The following THEMIS variants were observed in gnomAD, a reference collection of about 807,000 sequenced individuals.
The protein encoded by THEMIS is protein THEMIS.
A neutral mutation model predicts 52.6 loss-of-function variants in THEMIS; 37 were observed. The observed-to-expected ratio is 0.70, with a 90% CI of 0.54 to 0.93. The LOEUF (loss-of-function observed/expected upper bound fraction) is 0.93. Ranked by LOEUF, THEMIS falls within the 40% of genes least tolerant of loss-of-function variation. THEMIS has a pLI of 0.00. For missense variants in THEMIS, 808 were observed against 763.1 expected (o/e 1.06, Z -0.69); for synonymous variants, 292 against 272.7 (o/e 1.07, Z -0.70).
At chr6:127,806,028 C>A (rs1393995215) in intron 4 of THEMIS, among the ~76,000 whole-genome samples, 3 of 151,500 alleles carry the variant, frequency 2.0e-5, no homozygotes, top group African/African-American at 7.3e-5. Context: ...ATCTAGTGAG[C>A]CCACACTCAA....
rs1035965281 is a variant in THEMIS at position 127,820,127 on chromosome 6, G to A, written c.710-6196C>T. Among the ~76,000 whole-genome samples the A allele has an allele frequency of 1.9e-4, 29 of 151,770 alleles. No individual in the cohort carries two copies. In the East Asian group the frequency reaches 4.5e-3, roughly 23 times the overall value. On this transcript the variant is annotated intron_variant, in intron 3 of 5. Coordinates refer to ENST00000368248, the MANE Select transcript of THEMIS (RefSeq NM_001010923.3). ...TGTAAATATATATTACAAACTCTAGGGTAACAACTAAAAATGTTTTTTACA... is the reference window on the plus strand; with the variant it reads ...TGTAAATATATATTACAAACTCTAGAGTAACAACTAAAAATGTTTTTTACA...
chr6:127,800,758 A>G (rs1045294227), intron 4 of THEMIS, among the ~76,000 whole-genome samples: 2 of 152,192 alleles, frequency 1.3e-5, no homozygotes, highest in Non-Finnish European at 2.9e-5. Context: ...TTCCCAGCCT[A>G]CATCTTTCTC....
chr6:127,706,813 GC>G (rs1423040945), downstream of THEMIS, among the ~76,000 whole-genome samples: 2 of 152,012 alleles, frequency 1.3e-5, no homozygotes, highest in Non-Finnish European at 1.5e-5. Context: ...GGAGAGGAGA[GC>G]AAAAAGTGTT....
In THEMIS at chr6:127,829,777, G is replaced by A; in HGVS notation, c.408C>T (p.Ile136=). 1 of 1,614,050 alleles carries A rather than the reference G, an allele frequency of 6.2e-7. No homozygotes were observed. Among genetic ancestry groups the A allele is most frequent in the Non-Finnish European group, 8.5e-7 (1 of 1,179,994 alleles). Residue 136 remains isoleucine (I), a synonymous_variant, in exon 3 of 6, where the codon ATC becomes ATT. Transcript: ENST00000368248. ...CAATCTCTTCAACTGAGTTGAGCATGATTTGCTCACCCTGCTTTATGATGA... is the reference window on the plus strand; with the variant it reads ...CAATCTCTTCAACTGAGTTGAGCATAATTTGCTCACCCTGCTTTATGATGA... ...ENLIIKQGEQ[I]MLNSVEEIDG...
upstream of THEMIS, among the ~76,000 whole-genome samples, chr6:127,904,170 T>G (rs113076721): frequency 0.018 from 2,675 of 152,172 alleles, 85 homozygotes; most frequent in African/African-American, 0.06. Context: ...GAAGTAGCAA[T>G]TCCTCCAGGA....
intron 4 of THEMIS, among the ~76,000 whole-genome samples, chr6:127,799,005 A>G (rs1045904523): frequency 2.6e-4 from 40 of 151,662 alleles, no homozygotes; most frequent in Non-Finnish European, 4.9e-4. Context: ...AAAAAAAAAA[A>G]AAAGAAAGAA....
chr6:127,788,657 G>A (rs958156402), intron 4 of THEMIS, among the ~76,000 whole-genome samples: 18 of 151,996 alleles, frequency 1.2e-4, no homozygotes, highest in African/African-American at 4.4e-4. Flanking sequence ...TCTTGAAAAG[G>A]CACAACAAAA....
intron 1 of THEMIS, among the ~76,000 whole-genome samples, chr6:127,893,204 T>C (rs1285895611): frequency 6.6e-6 from 1 of 152,148 alleles, no homozygotes; most frequent in African/African-American, 2.4e-5. Flanking sequence ...CTTTTTACTA[T>C]TTTTCTTCAT....
intron 3 of THEMIS, among the ~76,000 whole-genome samples, chr6:127,819,697 A>G (rs1237575828): frequency 6.6e-6 from 1 of 152,160 alleles, no homozygotes; most frequent in African/African-American, 2.4e-5. Flanking sequence ...TCATCCTTCA[A>G]AAGTAAAGGA....
intron 4 of THEMIS, among the ~76,000 whole-genome samples, chr6:127,796,452 C>T (rs149798703): frequency 6.6e-6 from 1 of 152,228 alleles, no homozygotes; most frequent in Non-Finnish European, 1.5e-5. Flanking sequence ...CCAGATCAAC[C>T]TTATGCAGTC....
chr6:127,814,547 A>G (rs988562031), intron 3 of THEMIS, among the ~76,000 whole-genome samples: 27 of 152,110 alleles, frequency 1.8e-4, no homozygotes, highest in African/African-American at 6.5e-4. Context: ...AAGATGCAAT[A>G]TTTTTCCAAT....
chr6:127,868,626 A>C (rs1367822741), intron 1 of THEMIS, among the ~76,000 whole-genome samples: 1 of 152,142 alleles, frequency 6.6e-6, no homozygotes, highest in African/African-American at 2.4e-5. Context: ...TGCCTTGTCT[A>C]TTTATTCCCA....
chr6:127,915,784 C>T (rs1314863174), intron 1 of THEMIS, among the ~76,000 whole-genome samples: 3 of 151,702 alleles, frequency 2.0e-5, no homozygotes, highest in Non-Finnish European at 2.9e-5. Context: ...GTCAGAAGTT[C>T]GAGACCAGCC....
intron 4 of THEMIS, among the ~76,000 whole-genome samples, chr6:127,768,365 C>T (rs1267431459): frequency 1.3e-5 from 2 of 152,134 alleles, no homozygotes; most frequent in Non-Finnish European, 2.9e-5. Flanking sequence ...CTCCCCTTGC[C>T]TCTGTCAACC....
intron 5 of THEMIS, among the ~76,000 whole-genome samples, chr6:127,714,828 C>T (rs551354934): frequency 3.7e-4 from 56 of 151,986 alleles, no homozygotes; most frequent in African/African-American, 1.3e-3. Flanking sequence ...AAAAAGGTTG[C>T]TTTGCCTAGA....
At chr6:127,852,055 G>C (rs753157981) in intron 2 of THEMIS, among the ~76,000 whole-genome samples, 80 of 151,658 alleles carry the variant, frequency 5.3e-4, no homozygotes, top group Non-Finnish European at 9.8e-4. Context: ...AAAGATGAGA[G>C]ACCTTGCAAA....
chr6:127,854,930 G>C, intron 2 of THEMIS, 100 bp downstream of exon 2: 1 of 1,070,838 alleles, frequency 9.3e-7, no homozygotes, highest in Non-Finnish European at 1.2e-6. Flanking sequence ...TTATCCTAGA[G>C]TGAAAAACAG....
intron 4 of THEMIS, among the ~76,000 whole-genome samples, chr6:127,758,343 G>A (rs72965790): frequency 0.06 from 8,982 of 148,632 alleles, 348 homozygotes; most frequent in African/African-American, 0.098. Flanking sequence ...GAGAAACATG[G>A]CTTAACTGGA....
intron 1 of THEMIS, among the ~76,000 whole-genome samples, chr6:127,899,738 T>C (rs1781078866): frequency 6.6e-6 from 1 of 151,480 alleles, no homozygotes; most frequent in African/African-American, 2.4e-5. Context: ...AGACAAAAAA[T>C]GATTTGGGGC....
Sources: gnomAD v4.1 joint callset for allele counts (sites outside exome capture counted in the v4.1 genomes callset) on GRCh38, gnomAD v4.1.1 for gene constraint, MANE v1.5 for transcripts, NCBI Gene and HGNC (gene_info 2026-07-23, HGNC 2026-07-21) for gene names.